ADGRG4: variants seen among roughly 807,000 people sequenced by gnomAD.
The protein encoded by ADGRG4 is G protein-coupled receptor 112.
Under a neutral mutation model 126.2 loss-of-function variants are expected in ADGRG4, and 122 were observed. That is an observed-to-expected ratio of 0.97 (90% CI 0.83 to 1.12). ADGRG4 has a LOEUF of 1.12. Among genes scored for constraint, ADGRG4 ranks in the 50% most tolerant of loss-of-function variants. The pLI, the probability that ADGRG4 is intolerant of heterozygous loss-of-function variation, is 0.00. For synonymous variants in ADGRG4, 943 were observed against 838.7 expected (o/e 1.12, Z -2.15); for missense variants, 2,481 against 2,251.8 (o/e 1.10, Z -2.06).
chrX:136,323,544 A>T (rs2074853556), intron 5 of ADGRG4, 152 bp downstream of exon 5: 2 of 445,198 alleles, frequency 4.5e-6, no homozygotes, highest in Admixed American at 4.4e-5. Flanking sequence ...ATGATTTCAA[A>T]CTTATAGAAA....
At chrX:136,324,749 A>G (rs1346222213) in intron 5 of ADGRG4, among the ~76,000 whole-genome samples, 1 of 111,803 alleles carries the variant, frequency 8.9e-6, no homozygotes, top group Non-Finnish European at 1.9e-5. Context: ...TCATTCTTTG[A>G]GCATTTTCTT....
chrX:136,408,671 A>G (rs1042150764), intron 23 of ADGRG4, among the ~76,000 whole-genome samples: 4 of 111,864 alleles, frequency 3.6e-5, no homozygotes, highest in Non-Finnish European at 7.5e-5. Flanking sequence ...TATTGTTGCA[A>G]TGAACATAAG....
chrX:136,370,500 T>G (rs1333298500), intron 13 of ADGRG4, among the ~76,000 whole-genome samples: 1 of 112,185 alleles, frequency 8.9e-6, no homozygotes, highest in African/African-American at 3.2e-5. Flanking sequence ...GACAGGATAT[T>G]TGATGATTTT....
intron 5 of ADGRG4, among the ~76,000 whole-genome samples, chrX:136,342,069 C>A (rs889556001): frequency 7.2e-5 from 8 of 111,769 alleles, no homozygotes; most frequent in African/African-American, 2.3e-4. Context: ...ATCCTAAATT[C>A]CACTTATCCA....
rs201343525 is a variant in ADGRG4, at chrX:136,344,490, A to G, written c.784A>G (p.Asn262Asp). ...CCAAATTACTGGAGTAAAACCACAA[A>G]ATACTGCACATTCCTCTACACTATT... ...PSQITGVKPQ[N>D]TAHSSTLLSQ... is the part of the protein sequence containing the mutation. Residue 262 changes from asparagine (N) to aspartate (D), a missense_variant, in exon 6 of 26, where the codon AAT (asparagine) becomes GAT (aspartate). Transcript: ENST00000394143. 83 of 1,203,079 alleles carry G rather than the reference A, an allele frequency of 6.9e-5. No homozygotes were observed. Among genetic ancestry groups the G allele is most frequent in the Non-Finnish European group, 9.2e-5 (82 of 889,147 alleles).
At chrX:136,340,927 G>A (rs944074442) in intron 5 of ADGRG4, among the ~76,000 whole-genome samples, 5 of 111,650 alleles carry the variant, frequency 4.5e-5, no homozygotes, top group Non-Finnish European at 9.4e-5. Flanking sequence ...AGTCCCTCTG[G>A]AAGAAACCTT....
intron 5 of ADGRG4, among the ~76,000 whole-genome samples, chrX:136,342,919 T>TGAGA (rs769681519): frequency 0.23 from 18,248 of 80,831 alleles, 1,688 homozygotes; most frequent in Middle Eastern, 0.29. Context: ...TGTGTGTGTG[T>TGAGA]GTGAGAGAGA....
Position 136,303,775 on chromosome X carries a change from C to T in ADGRG4, c.-253-358C>T, listed in dbSNP as rs1412026469. 4.5e-5 allele frequency among the ~76,000 whole-genome samples: 5 copies of T among 111,278 alleles called. No homozygotes were observed. The Admixed American group carries it at 4.8e-4, about 11-fold the overall frequency. On this transcript the variant is annotated intron_variant, in intron 1 of 25. Transcript: ENST00000394143. The stretch of plus-strand genomic sequence containing the variant: ...TTTTGCTGTTTCTATGGTTGAGCCC[C>T]AAATTCAATAGCTGGCTTGCTATTC...
rs1275699849 is a variant in ADGRG4 at position 136,344,159 on chromosome X, A to G, written c.686-233A>G. On this transcript the variant is annotated intron_variant, in intron 5 of 25. Coordinates refer to ENST00000394143, the MANE Select transcript of ADGRG4 (RefSeq NM_153834.4). ...TTCAGGAATGTTTATATATTTTATG[A>G]AGATACTACGAAATGGATATCTTCC... is the stretch of plus-strand genomic sequence containing the variant. Among the ~76,000 whole-genome samples the G allele has an allele frequency of 4.5e-5, 5 of 111,561 alleles. No individual in the cohort carries two copies. The Admixed American group carries it at 4.8e-4, about 11-fold the overall frequency.
At chrX:136,383,404 C>T (rs1419073896) in intron 15 of ADGRG4, among the ~76,000 whole-genome samples, 1 of 111,184 alleles carries the variant, frequency 9.0e-6, no homozygotes, top group Non-Finnish European at 1.9e-5. Context: ...TATTAAATAC[C>T]CCTCTTTATC....
chrX:136,326,901 T>C (rs971600302), intron 5 of ADGRG4, among the ~76,000 whole-genome samples: 4 of 110,745 alleles, frequency 3.6e-5, no homozygotes, highest in Non-Finnish European at 7.5e-5. Flanking sequence ...TATATATTTA[T>C]ATATTCATGA....
chrX:136,389,481 A>T (rs2075308346), intron 16 of ADGRG4, among the ~76,000 whole-genome samples: 1 of 112,097 alleles, frequency 8.9e-6, no homozygotes, highest in Non-Finnish European at 1.9e-5. Context: ...GAGATTAAAG[A>T]TCTTTGCCAA....
Position 136,412,266 on chromosome X carries a change from A to T in ADGRG4, c.8937A>T (p.Gly2979=), listed in dbSNP as rs371461623. The T allele has an allele frequency of 1.3e-4, 149 of 1,182,473 alleles. No homozygotes were observed. Among genetic ancestry groups the T allele is most frequent in the Non-Finnish European group, 1.6e-4 (143 of 869,941 alleles). ...ACTGACCTTCTTCTTCTGGCTTAGG[A>T]TTCTTCATTTTTGTGTTTCACTGTG... ...YLFAIFNTLQ[G]FFIFVFHCVM... The change falls in exon 24 of 26, where the codon GGA becomes GGT. Residue 2979 remains glycine, a splice_region_variant and synonymous_variant. Coordinates refer to ENST00000394143, the MANE Select transcript of ADGRG4 (RefSeq NM_153834.4).
intron 5 of ADGRG4, among the ~76,000 whole-genome samples, chrX:136,329,243 A>G (rs1211166860): frequency 8.9e-6 from 1 of 111,754 alleles, no homozygotes; most frequent in Non-Finnish European, 1.9e-5. Flanking sequence ...TAGATTTAAT[A>G]TGAGGTGATA....
At chrX:136,378,076 T>A (rs1036567402) in intron 15 of ADGRG4, among the ~76,000 whole-genome samples, 4 of 111,410 alleles carry the variant, frequency 3.6e-5, no homozygotes, top group African/African-American at 1.3e-4. Flanking sequence ...TGGGAGAATT[T>A]ATTTCTTAGT....
chrX:136,414,301 C>A lies in ADGRG4; in HGVS notation c.9179C>A (p.Thr3060Lys). Residue 3060 changes from threonine (T) to lysine (K), a missense_variant, in exon 25 of 26, where the codon ACA becomes AAA. Thr to Lys is a moderately conservative substitution (Grantham distance 78). Transcript: ENST00000394143. ...AAATCTTTAGGCTCTGCACAAGGCA[C>A]ACCTTCAGAAATAAGCTTTCCAAAT... ...TFKSLGSAQG[T>K]PSEISFPNDD... 8.3e-7 allele frequency: 1 copy of A among 1,201,057 alleles called. No homozygotes were observed. Among genetic ancestry groups the A allele is most frequent in the Non-Finnish European group, 1.1e-6 (1 of 891,005 alleles).
At chrX:136,409,207 G>GA (rs1190500802) in intron 23 of ADGRG4, among the ~76,000 whole-genome samples, 1 of 111,749 alleles carries the variant, frequency 8.9e-6, no homozygotes, top group Non-Finnish European at 1.9e-5. Flanking sequence ...GGTCAAGTGG[G>GA]AAAAAATTAT....
chrX:136,401,850 G>A (rs910866938), intron 21 of ADGRG4, among the ~76,000 whole-genome samples: 4 of 112,163 alleles, frequency 3.6e-5, no homozygotes, highest in African/African-American at 1.3e-4. Flanking sequence ...CCTGGGAGAT[G>A]ATGAGAAGCT....
chrX:136,350,116 A>C lies in ADGRG4; in HGVS notation c.6410A>C (p.Asp2137Ala). The C allele has an allele frequency of 8.3e-7, 1 of 1,208,731 alleles. No individual in the cohort carries two copies. Among genetic ancestry groups the C allele is most frequent in the Non-Finnish European group, 1.1e-6 (1 of 893,186 alleles). ...SRKTMSPSTT[D>A]HTLSVGAMPL... Reference sequence around the variant, plus strand: ...AAGACTATGTCACCTTCTACAACTGACCACACTCTATCTGTTGGTGCCATG... The same window carrying C: ...AAGACTATGTCACCTTCTACAACTGCCCACACTCTATCTGTTGGTGCCATG... The change falls in exon 6 of 26, where the codon GAC becomes GCC. Residue 2137 changes from aspartate to alanine, a missense_variant. By Grantham distance (126) the Asp-to-Ala change is moderately radical (BLOSUM62 -2). Transcript: ENST00000394143.
Sources: allele counts gnomAD v4.1 joint callset (sites outside exome capture counted in the v4.1 genomes callset), GRCh38; gene constraint gnomAD v4.1.1; transcripts MANE v1.5; gene names NCBI Gene and HGNC (gene_info 2026-07-23, HGNC 2026-07-21).